Variants in ADGRB3 observed in about 807,000 individuals in gnomAD.
ADGRB3 encodes the protein brain-specific angiogenesis inhibitor 3.
In ADGRB3, 37 loss-of-function variants were observed where a neutral mutation model predicts 193.4. The ratio of observed to expected loss-of-function variants is 0.19; its 90% CI spans 0.15 to 0.25. ADGRB3 has a LOEUF of 0.25. Among genes scored for constraint, ADGRB3 ranks in the 10% least tolerant of loss-of-function variants. The pLI, the probability that ADGRB3 is intolerant of heterozygous loss-of-function variation, is 1.00. For missense variants in ADGRB3, 1,637 were observed against 1,852.9 expected (o/e 0.88, Z 2.14); for synonymous variants, 690 against 644.2 (o/e 1.07, Z -1.08).
Position 69,303,483 on chromosome 6 carries a change from T to C in ADGRB3, c.2815-21389T>C, listed in dbSNP as rs534975116. On this transcript the variant is annotated intron_variant, in intron 20 of 31. Coordinates refer to ENST00000370598, the MANE Select transcript of ADGRB3 (RefSeq NM_001704.3). The stretch of plus-strand genomic sequence containing the variant: ...ACAACAAGGATGAAGACCTTTATGA[T>C]GAGACACTTCCACTTCAAAGTTTTT... Among the ~76,000 whole-genome samples, 5 of 151,934 alleles carry C rather than the reference T, an allele frequency of 3.3e-5. No homozygotes were observed. The South Asian group carries it at 1.0e-3, about 32-fold the overall frequency.
intron 13 of ADGRB3, among the ~76,000 whole-genome samples, chr6:69,030,596 C>T (rs1204575664): frequency 6.6e-6 from 1 of 152,062 alleles, no homozygotes; most frequent in African/African-American, 2.4e-5. Context: ...AGGGGAACAT[C>T]ACACACCAGG....
intron 30 of ADGRB3, among the ~76,000 whole-genome samples, chr6:69,379,987 T>C (rs1031362705): frequency 4.6e-5 from 7 of 151,992 alleles, no homozygotes; most frequent in Non-Finnish European, 1.0e-4. Flanking sequence ...AGTTACGTAA[T>C]ATTGGTGACC....
rs773402786 is a variant in ADGRB3, at chr6:69,361,449, G to C, written c.4176G>C (p.Leu1392Phe). Residue 1392 changes from leucine to phenylalanine, a missense_variant, in exon 29 of 32, where the codon TTG (leucine) becomes TTC (phenylalanine). Leu to Phe is a conservative substitution (Grantham distance 22). This residue lies in a region of ADGRB3 where 368 missense variants were observed against 367.4 expected (regional missense o/e 1.00). Transcript: ENST00000370598. ...TAVKNFMASE[L>F]DDNAGLSRSE... is the part of the protein sequence containing the mutation. Reference sequence around the variant, plus strand: ...TGAAGAATTTCATGGCCTCTGAGTTGGATGATAATGCAGGACTATCAAGAA... The same window carrying C: ...TGAAGAATTTCATGGCCTCTGAGTTCGATGATAATGCAGGACTATCAAGAA... The C allele has an allele frequency of 6.2e-7, 1 of 1,612,614 alleles. No individual in the cohort carries two copies. Among genetic ancestry groups the C allele is most frequent in the African/African-American group, 1.3e-5 (1 of 74,776 alleles).
intron 6 of ADGRB3, among the ~76,000 whole-genome samples, chr6:68,949,506 G>T (rs1342690572): frequency 6.6e-6 from 1 of 152,146 alleles, no homozygotes; most frequent in Admixed American, 6.6e-5. Context: ...TAAAATTTTG[G>T]TCTACAGCAT....
rs144523008 is a variant in ADGRB3 at position 69,214,964 on chromosome 6, T to C, written c.2481-18326T>C. Among the ~76,000 whole-genome samples the C allele has an allele frequency of 2.3e-3, 350 of 152,116 alleles. 1 individual carries two copies. The highest frequency in any genetic ancestry group is 3.5e-3 in the Non-Finnish European group (236 of 67,998). The stretch of plus-strand genomic sequence containing the variant: ...TAGCATATACTTCCTGATACGATAT[T>C]CCAAGAAAGGCAAAACATCACTCTC... On this transcript the variant is annotated intron_variant, in intron 17 of 31. Coordinates refer to ENST00000370598, the MANE Select transcript of ADGRB3 (RefSeq NM_001704.3).
intron 3 of ADGRB3, among the ~76,000 whole-genome samples, chr6:68,736,820 C>T (rs1183581645): frequency 1.3e-5 from 2 of 151,850 alleles, no homozygotes; most frequent in Admixed American, 1.3e-4. Context: ...AAGTTTATCC[C>T]AGTACCTAGA....
At chr6:69,157,017 G>A (rs995863748) in intron 17 of ADGRB3, among the ~76,000 whole-genome samples, 2 of 152,186 alleles carry the variant, frequency 1.3e-5, no homozygotes, top group African/African-American at 2.4e-5. Flanking sequence ...TGAAGAAGTG[G>A]CGCAGCAGAA....
intron 3 of ADGRB3, among the ~76,000 whole-genome samples, chr6:68,660,461 A>C (rs969147030): frequency 6.6e-6 from 1 of 150,950 alleles, no homozygotes; most frequent in Non-Finnish European, 1.5e-5. Context: ...TAATCATTAT[A>C]CACACAATTA....
At chr6:69,197,620 A>G (rs891187049) in intron 17 of ADGRB3, among the ~76,000 whole-genome samples, 1 of 152,052 alleles carries the variant, frequency 6.6e-6, no homozygotes, top group Non-Finnish European at 1.5e-5. Flanking sequence ...CACCTGTTTT[A>G]AATGTGAGAC....
intron 17 of ADGRB3, among the ~76,000 whole-genome samples, chr6:69,193,972 T>C (rs1008028748): frequency 1.3e-5 from 2 of 152,074 alleles, no homozygotes; most frequent in Non-Finnish European, 2.9e-5. Context: ...ATTTTATCCA[T>C]CATCTGTCTT....
At chr6:69,331,517 GT>G in intron 23 of ADGRB3, 1 of 984,964 alleles carries the variant, frequency 1.0e-6, no homozygotes. Context: ...TGATATGTCT[GT>G]TTTTTTCTCC....
intron 17 of ADGRB3, among the ~76,000 whole-genome samples, chr6:69,220,459 A>G (rs1765869399): frequency 6.6e-6 from 1 of 152,160 alleles, no homozygotes; most frequent in Admixed American, 6.6e-5. Flanking sequence ...AAAAGAAACC[A>G]GAGCTGAAAG....
intron 30 of ADGRB3, among the ~76,000 whole-genome samples, chr6:69,378,219 T>C (rs996576029): frequency 6.6e-6 from 1 of 152,036 alleles, no homozygotes; most frequent in African/African-American, 2.4e-5. Flanking sequence ...TGCAGGGTGA[T>C]CAATATCCAT....
intron 3 of ADGRB3, among the ~76,000 whole-genome samples, chr6:68,923,237 T>TA (rs1248365386): frequency 6.6e-6 from 1 of 152,080 alleles, no homozygotes; most frequent in East Asian, 1.9e-4. Flanking sequence ...TATTTCTAGA[T>TA]TCTCTTTTAA....
intron 3 of ADGRB3, among the ~76,000 whole-genome samples, chr6:68,788,408 A>T (rs1286298149): frequency 1.3e-5 from 2 of 151,872 alleles, no homozygotes; most frequent in Non-Finnish European, 2.9e-5. Flanking sequence ...TCATTTCATT[A>T]TTTACTCAGT....
At chr6:69,013,320 G>T (rs1238245835) in intron 11 of ADGRB3, among the ~76,000 whole-genome samples, 2 of 152,018 alleles carry the variant, frequency 1.3e-5, no homozygotes, top group African/African-American at 4.8e-5. Context: ...AGAAACCAAT[G>T]GGCACTGCTA....
chr6:69,327,771 C>A (rs1313347707), intron 21 of ADGRB3, 49 bp from the exon 22 acceptor site: 3 of 1,547,950 alleles, frequency 1.9e-6, no homozygotes, highest in Admixed American at 3.4e-5. Flanking sequence ...GACCAGTATG[C>A]ATAGTGGTTA....
intron 20 of ADGRB3, among the ~76,000 whole-genome samples, chr6:69,305,487 A>T (rs777053693): frequency 6.6e-6 from 1 of 151,484 alleles, no homozygotes; most frequent in Non-Finnish European, 1.5e-5. Flanking sequence ...GATAATCCTG[A>T]CTTACTTTGA....
In ADGRB3 at chr6:69,367,011, A is replaced by C. The variant is rs1769585504; in HGVS notation, c.4240-5395A>C. Among the ~76,000 whole-genome samples, 2 of 152,094 alleles carry C rather than the reference A, an allele frequency of 1.3e-5. 1 individual carries two copies. The highest frequency in any genetic ancestry group is 4.1e-4 in the South Asian group (2 of 4,832). ...AAATAGTGTGCAGTAATGGGTAATAACTATGGAATGAAAGGGAGAGATTTC... is the reference window on the plus strand; with the variant it reads ...AAATAGTGTGCAGTAATGGGTAATACCTATGGAATGAAAGGGAGAGATTTC... On this transcript the variant is annotated intron_variant, in intron 29 of 31. Transcript: ENST00000370598.
Sources: gnomAD v4.1 joint callset for allele counts (sites outside exome capture counted in the v4.1 genomes callset) on GRCh38, gnomAD v4.1.1 for gene constraint, gnomAD v4.1.1 regional missense constraint, MANE v1.5 for transcripts, NCBI Gene and HGNC (gene_info 2026-07-23, HGNC 2026-07-21) for gene names.